FARS2: variants seen among roughly 807,000 people sequenced by gnomAD.
The protein encoded by FARS2 is phenylalanyl-tRNA synthetase 2, mitochondrial.
Under a neutral mutation model 46.4 loss-of-function variants are expected in FARS2, and 40 were observed. The observed-to-expected ratio is 0.86, with a 90% CI of 0.67 to 1.12. The LOEUF is 1.12. Among genes scored for constraint, FARS2 ranks in the 50% most tolerant of loss-of-function variants. The pLI, the probability that FARS2 is intolerant of heterozygous loss-of-function variation, is 0.00. For synonymous variants in FARS2, 234 were observed against 214.9 expected (o/e 1.09, Z -0.78); for missense variants, 513 against 567.9 (o/e 0.90, Z 0.98).
At chr6:5,312,414 C>T (rs1769141391) in intron 1 of FARS2, among the ~76,000 whole-genome samples, 2 of 152,012 alleles carry the variant, frequency 1.3e-5, no homozygotes, top group Non-Finnish European at 2.9e-5. Context: ...TCTTTATTAT[C>T]TGAGGACTTA....
chr6:5,492,795 G>A (rs1346400534), intron 4 of FARS2, among the ~76,000 whole-genome samples: 14 of 152,202 alleles, frequency 9.2e-5, no homozygotes, highest in African/African-American at 2.9e-4. Flanking sequence ...CACTGTGCCC[G>A]GCTTTCCCTG....
intron 3 of FARS2, among the ~76,000 whole-genome samples, chr6:5,412,213 G>A (rs1181246208): frequency 2.0e-5 from 3 of 152,174 alleles, no homozygotes; most frequent in East Asian, 1.9e-4. Flanking sequence ...GCTTCTTGGG[G>A]AATTGCCTCA....
intron 4 of FARS2, among the ~76,000 whole-genome samples, chr6:5,445,542 A>C (rs764784552): frequency 3.9e-5 from 6 of 152,224 alleles, no homozygotes; most frequent in Non-Finnish European, 8.8e-5. Context: ...GCCAGGTTTT[A>C]AAATTGTGAT....
chr6:5,266,652 T>C (rs1462255723), intron 1 of FARS2, among the ~76,000 whole-genome samples: 1 of 152,224 alleles, frequency 6.6e-6, no homozygotes, highest in African/African-American at 2.4e-5. Flanking sequence ...AGTACCAGCT[T>C]CAGGAATTGG....
At chr6:5,717,953 C>T (rs1384100413) in intron 6 of FARS2, among the ~76,000 whole-genome samples, 2 of 55,052 alleles carry the variant, frequency 3.6e-5, no homozygotes, top group Middle Eastern at 0.01. Flanking sequence ...CTCACTCTGT[C>T]GCCCAGGCTG....
chr6:5,412,623 G>C (rs966555253), intron 3 of FARS2, among the ~76,000 whole-genome samples: 17 of 152,126 alleles, frequency 1.1e-4, no homozygotes, highest in African/African-American at 4.1e-4. Flanking sequence ...TTATCCATGA[G>C]GCTCTATTAG....
chr6:5,626,742 C>T (rs1561762254), intron 6 of FARS2, among the ~76,000 whole-genome samples: 1 of 152,204 alleles, frequency 6.6e-6, no homozygotes, highest in East Asian at 1.9e-4. Flanking sequence ...ATTCCAGTTA[C>T]CTAATAATCT....
chr6:5,630,520 G>T lies in FARS2; in HGVS notation c.1217+17200G>T. 6.6e-6 allele frequency among the ~76,000 whole-genome samples: 1 copy of T among 152,230 alleles called. No homozygotes were observed. The highest frequency in any genetic ancestry group is 1.9e-4 in the East Asian group (1 of 5,202). ...AAAGGGTTGGTGTCTCATGGAGCAA[G>T]CAAAACGTCCTGACTCTGGAAACCA... On this transcript the variant is annotated intron_variant, in intron 6 of 6. Transcript: ENST00000274680. This position sits in a 1 kb window ranked among gnomAD's most constrained non-coding sequence, Gnocchi z 4.2.
chr6:5,339,586 C>T (rs557168200), intron 1 of FARS2, among the ~76,000 whole-genome samples: 3 of 152,046 alleles, frequency 2.0e-5, no homozygotes, highest in Non-Finnish European at 4.4e-5. Context: ...GCTACCTTGC[C>T]TGGCTACTTT....
chr6:5,649,105 T>A (rs1777218147), intron 6 of FARS2, among the ~76,000 whole-genome samples: 1 of 152,232 alleles, frequency 6.6e-6, no homozygotes. Context: ...TGTTAGAGGG[T>A]TAATTTTTAA....
At chr6:5,420,794 G>A (rs534265966) in intron 3 of FARS2, among the ~76,000 whole-genome samples, 12 of 152,166 alleles carry the variant, frequency 7.9e-5, no homozygotes, top group South Asian at 2.1e-4. Flanking sequence ...TTCTGGCACC[G>A]TCATGGAGCT....
At chr6:5,259,788 G>A (rs1437555969), upstream of FARS2, among the ~76,000 whole-genome samples, 2 of 151,912 alleles carry the variant, frequency 1.3e-5, no homozygotes, top group African/African-American at 2.4e-5. Flanking sequence ...GAGAGAGACA[G>A]GTAGTTAGTA....
intron 6 of FARS2, among the ~76,000 whole-genome samples, chr6:5,681,852 G>A (rs1779049231): frequency 6.6e-6 from 1 of 152,266 alleles, no homozygotes; most frequent in Middle Eastern, 3.4e-3. Context: ...GGCTACATTT[G>A]TTTGGTGCTT....
chr6:5,530,600 C>T (rs1315859957), intron 4 of FARS2, among the ~76,000 whole-genome samples: 1 of 149,928 alleles, frequency 6.7e-6, no homozygotes, highest in African/African-American at 2.4e-5. Context: ...GGTAAAGGAG[C>T]ATGATGTATG....
chr6:5,771,570 G>A lies in FARS2; in HGVS notation c.*141G>A, dbSNP rs940100000. The A allele has an allele frequency of 3.3e-5, 30 of 908,958 alleles. No homozygotes were observed. In the Admixed American group the frequency reaches 3.7e-4, roughly 11 times the overall value. 56.3% of individuals were successfully genotyped at this position (908,958 alleles called of 1,614,324 possible). The stretch of plus-strand genomic sequence containing the variant: ...TAGGACTTTCAGAAAATAAAAGATC[G>A]CTCTTGAAAAGCTGTTGACATAGCA... On this transcript the variant is annotated 3_prime_UTR_variant, in exon 7 of 7. Coordinates refer to ENST00000274680, the MANE Select transcript of FARS2 (RefSeq NM_006567.5).
intron 2 of FARS2, among the ~76,000 whole-genome samples, chr6:5,377,740 A>T (rs1050394808): frequency 6.6e-6 from 1 of 152,122 alleles, no homozygotes; most frequent in Non-Finnish European, 1.5e-5. Context: ...ATATTTATTT[A>T]TTTTAAAGAG....
intron 5 of FARS2, among the ~76,000 whole-genome samples, chr6:5,570,528 T>A (rs1339273165): frequency 1.3e-5 from 2 of 152,210 alleles, no homozygotes; most frequent in African/African-American, 4.8e-5. Flanking sequence ...GATTTCCAGT[T>A]TTGTATGAGT....
intron 4 of FARS2, among the ~76,000 whole-genome samples, chr6:5,451,421 A>G (rs1394890219): frequency 3.9e-5 from 6 of 152,158 alleles, no homozygotes; most frequent in Non-Finnish European, 8.8e-5. Context: ...CTTAGTATTT[A>G]ATTCTCAAGT....
chr6:5,520,652 T>G (rs537030541), intron 4 of FARS2, among the ~76,000 whole-genome samples: 12 of 152,282 alleles, frequency 7.9e-5, no homozygotes, highest in South Asian at 6.2e-4. Context: ...TTTGCCAATG[T>G]TTTTCATTGT....
Sources: allele counts gnomAD v4.1 joint callset (sites outside exome capture counted in the v4.1 genomes callset), GRCh38; gene constraint gnomAD v4.1.1; non-coding constraint Gnocchi (gnomAD v3.1); transcripts MANE v1.5; gene names NCBI Gene and HGNC (gene_info 2026-07-23, HGNC 2026-07-21).